Variants in GRM4 observed in about 807,000 individuals in gnomAD.
GRM4 encodes the protein glutamate metabotropic receptor 4.
Under a neutral mutation model 81.7 loss-of-function variants are expected in GRM4, and 28 were observed. That is an observed-to-expected ratio of 0.34 (90% CI 0.25 to 0.47). GRM4 has a LOEUF of 0.47. GRM4 is among the 20% of genes least tolerant of loss of function. The pLI is 1.00. For missense variants in GRM4, 948 were observed against 1,290.0 expected, an observed-to-expected ratio of 0.73 and a Z score of 4.06; for synonymous variants, 488 against 528.8, an observed-to-expected ratio of 0.92 and a Z score of 1.06.
Position 34,133,151 on chromosome 6 carries a change from G to C in GRM4, c.346C>G (p.Leu116Val). 1 of 1,614,074 alleles carries C rather than the reference G, an allele frequency of 6.2e-7. No homozygotes were observed. Residue 116 changes from leucine (L) to valine (V), a missense_variant, in exon 2 of 11, where the codon CTC (leucine) becomes GTC (valine). Coordinates refer to ENST00000538487, the MANE Select transcript of GRM4 (RefSeq NM_000841.4). The surrounding 1 kb of genome is among the most constrained non-coding windows in gnomAD (Gnocchi z 6.5). The stretch of plus-strand genomic sequence containing the variant: ...TGCACAAAGGTCAGCGACTGCTCGA[G>C]GGCATGGGTGTCCCTGGAGCAGGTG... ...LDTCSRDTHA[L>V]EQSLTFVQAL...
intron 6 of GRM4, among the ~76,000 whole-genome samples, chr6:34,043,063 C>T (rs917255809): frequency 3.9e-5 from 6 of 152,184 alleles, no homozygotes; most frequent in Non-Finnish European, 7.4e-5. Flanking sequence ...CCCCCGCTGC[C>T]ATTTTAAAGA....
intron 1 of GRM4, among the ~76,000 whole-genome samples, chr6:34,143,352 G>A (rs904148576): frequency 1.3e-5 from 2 of 151,824 alleles, no homozygotes; most frequent in Non-Finnish European, 2.9e-5. Context: ...AAGCCCTCCA[G>A]GAAGTGAGAG....
chr6:34,075,852 T>C (rs1767284668), intron 3 of GRM4, among the ~76,000 whole-genome samples: 1 of 152,244 alleles, frequency 6.6e-6, no homozygotes, highest in Admixed American at 6.5e-5. Context: ...TTCCCATTTC[T>C]AACCACCCCG....
At chr6:34,045,382 C>A (rs1199024642) in intron 6 of GRM4, among the ~76,000 whole-genome samples, 1 of 152,248 alleles carries the variant, frequency 6.6e-6, no homozygotes, top group Non-Finnish European at 1.5e-5. Flanking sequence ...TCACTGGCCC[C>A]CTCACAGGGG....
chr6:34,038,797 AT>A (rs1424598445), intron 8 of GRM4, among the ~76,000 whole-genome samples: 1 of 152,150 alleles, frequency 6.6e-6, no homozygotes, highest in Non-Finnish European at 1.5e-5. Context: ...GGGGCCTTGT[AT>A]TCCTGGGGAG....
At chr6:34,117,308 AG>A (rs1042207819) in intron 2 of GRM4, among the ~76,000 whole-genome samples, 1 of 152,132 alleles carries the variant, frequency 6.6e-6, no homozygotes, top group Non-Finnish European at 1.5e-5. Flanking sequence ...GCAGGGCCGG[AG>A]GGAGGGAACA....
chr6:34,032,237 C>G (rs1318976968), intron 9 of GRM4, among the ~76,000 whole-genome samples: 1 of 152,118 alleles, frequency 6.6e-6, no homozygotes, highest in Non-Finnish European at 1.5e-5. Flanking sequence ...GGGCACACAC[C>G]TGTGCACACA....
chr6:34,140,385 C>A (rs540256925), intron 1 of GRM4, among the ~76,000 whole-genome samples: 1 of 152,216 alleles, frequency 6.6e-6, no homozygotes, highest in South Asian at 2.1e-4. Context: ...CCTTATCGAC[C>A]ACGGTGTGGA....
In GRM4 at chr6:34,128,989, T is replaced by TC. The variant is rs549824573; in HGVS notation, c.519+3988dup. Among the ~76,000 whole-genome samples, 156 of 151,794 alleles carry TC rather than the reference T, an allele frequency of 1.0e-3. 1 individual carries two copies. Among genetic ancestry groups the TC allele is most frequent in the East Asian group, 9.5e-3 (49 of 5,158 alleles). On this transcript the variant is annotated intron_variant, in intron 2 of 10. Transcript: ENST00000538487. ...GGGGGTGTCTCCAGTCTGCTCTTCC[T>TC]CCCCCGAACAATGACTTTTCAGGAA...
At chr6:34,067,979 G>A (rs900221270) in intron 3 of GRM4, among the ~76,000 whole-genome samples, 3 of 152,216 alleles carry the variant, frequency 2.0e-5, no homozygotes, top group Admixed American at 6.5e-5. Flanking sequence ...CGTGGAGCCC[G>A]CAGACGTGTA....
chr6:34,105,813 CCAG>C (rs1342190160), intron 2 of GRM4: 3 of 152,268 alleles, frequency 2.0e-5, no homozygotes, highest in African/African-American at 7.2e-5. Context: ...GTTATGCAGG[CCAG>C]AGTGTTGGGC....
chr6:34,044,823 CAT>C (rs1358594108), intron 6 of GRM4, among the ~76,000 whole-genome samples: 8 of 149,940 alleles, frequency 5.3e-5, no homozygotes, highest in South Asian at 2.1e-4. Flanking sequence ...GTCACACACA[CAT>C]AGACATACAT....
chr6:34,121,631 C>G lies in GRM4; in HGVS notation c.519+11347G>C, dbSNP rs1282026943. Among the ~76,000 whole-genome samples the G allele has an allele frequency of 1.3e-5, 2 of 152,210 alleles. No individual in the cohort carries two copies. Among genetic ancestry groups the G allele is most frequent in the East Asian group, 3.9e-4 (2 of 5,188 alleles). Reference sequence around the variant, plus strand: ...AGCACCTTCGAGGCAGATCCCCGCTCAGGGCACCTCTGCTGGGCCAGGGCC... The same window carrying G: ...AGCACCTTCGAGGCAGATCCCCGCTGAGGGCACCTCTGCTGGGCCAGGGCC... On this transcript the variant is annotated intron_variant, in intron 2 of 10. Transcript: ENST00000538487. The surrounding 1 kb of genome is among the most constrained non-coding windows in gnomAD (Gnocchi z 4.6).
intron 3 of GRM4, among the ~76,000 whole-genome samples, chr6:34,073,026 AC>A (rs1271385319): frequency 3.6e-5 from 1 of 27,414 alleles, no homozygotes; most frequent in African/African-American, 1.4e-4. Context: ...CACACACATC[AC>A]CACAGATACA....
At chr6:34,058,897 G>T in intron 5 of GRM4, 77 bp downstream of exon 5, 1 of 1,126,678 alleles carries the variant, frequency 8.9e-7, no homozygotes, top group East Asian at 2.4e-5. Context: ...CGGAGCAGAA[G>T]GGGAAGGAAG....
exon 1 of GRM4, chr6:34,155,212 G>T (rs992575985): frequency 6.5e-7 from 1 of 1,535,650 alleles, no homozygotes; most frequent in Non-Finnish European, 8.7e-7. Context: ...GGGGCCTCTT[G>T]TGCGCACCCA....
intron 5 of GRM4, among the ~76,000 whole-genome samples, chr6:34,058,256 G>A (rs1388708659): frequency 1.3e-5 from 2 of 152,178 alleles, no homozygotes; most frequent in Admixed American, 1.3e-4. Context: ...GGCGCCATGG[G>A]CCAGGGAGCT....
intron 6 of GRM4, among the ~76,000 whole-genome samples, chr6:34,044,171 T>C (rs796992827): frequency 1.6e-4 from 23 of 141,232 alleles, no homozygotes; most frequent in South Asian, 4.6e-4. Flanking sequence ...TACACACACA[T>C]ATACATACAT....
intron 3 of GRM4, among the ~76,000 whole-genome samples, chr6:34,091,187 T>C (rs1194482003): frequency 1.3e-5 from 2 of 152,176 alleles, no homozygotes; most frequent in Non-Finnish European, 2.9e-5. Flanking sequence ...CCCTGCTAGG[T>C]GGGAGTCACC....
Sources: allele counts gnomAD v4.1 joint callset (sites outside exome capture counted in the v4.1 genomes callset), GRCh38; gene constraint gnomAD v4.1.1; non-coding constraint Gnocchi (gnomAD v3.1); transcripts MANE v1.5; gene names NCBI Gene and HGNC (gene_info 2026-07-23, HGNC 2026-07-21).